LEF1: variants seen among roughly 807,000 people sequenced by gnomAD.
LEF1 encodes lymphoid enhancer binding factor 1, also known as lymphoid enhancer-binding factor 1.
LEF1 carries 14 observed loss-of-function variants against 51.2 expected under a neutral mutation model. The ratio of observed to expected loss-of-function variants is 0.27; its 90% confidence interval spans 0.18 to 0.43. The LOEUF is 0.43. Among genes scored for constraint, LEF1 ranks in the 20% least tolerant of loss-of-function variants. The pLI, the probability that LEF1 is intolerant of heterozygous loss-of-function variation, is 1.00. For missense variants in LEF1, 386 were observed against 512.0 expected (o/e 0.75, Z 2.37); for synonymous variants, 185 against 183.2 (o/e 1.01, Z -0.08).
Position 108,163,672 on chromosome 4 carries a change from T to G in LEF1, c.310A>C (p.Lys104Gln). 6.2e-7 allele frequency: 1 copy of G among 1,613,676 alleles called. No homozygotes were observed. ...GAATAACTCGAGTAGGAGGGTCCCT[T>G]GTTGTAGAGGCCTCCATCTGGATGC... ...GKHPDGGLYN[K>Q]GPSYSSYSGY... is the part of the protein sequence containing the mutation. The change falls in exon 3 of 12, where the codon AAG (lysine) becomes CAG (glutamine). Residue 104 changes from lysine (K) to glutamine (Q), a missense_variant. Around this residue, in one of 2 missense-constraint regions of LEF1, gnomAD observed 335 missense variants for 390.7 expected, o/e 0.86. Transcript: ENST00000265165.
chr4:108,124,453 T>G (rs1279388148), intron 3 of LEF1, among the ~76,000 whole-genome samples: 2 of 151,674 alleles, frequency 1.3e-5, no homozygotes, highest in African/African-American at 2.4e-5. Flanking sequence ...CACTGCAACC[T>G]CCGCCTCCTG....
At chr4:108,153,095 G>A (rs1341736671) in intron 3 of LEF1, among the ~76,000 whole-genome samples, 2 of 152,160 alleles carry the variant, frequency 1.3e-5, no homozygotes, top group Non-Finnish European at 2.9e-5. Context: ...TCTCAGCAGT[G>A]GCTGTAGCCC....
At chr4:108,097,034 T>C (rs1268501194) in intron 3 of LEF1, among the ~76,000 whole-genome samples, 1 of 152,124 alleles carries the variant, frequency 6.6e-6, no homozygotes, top group African/African-American at 2.4e-5. Flanking sequence ...CAGTGTGGAG[T>C]TGCCTCAAAA....
chr4:108,158,437 C>T (rs6817603), intron 3 of LEF1, among the ~76,000 whole-genome samples: 8 of 144,836 alleles, frequency 5.5e-5, no homozygotes, highest in African/African-American at 2.0e-4. Context: ...AGAGAGAGAG[C>T]GCGCAACCTT....
intron 3 of LEF1, among the ~76,000 whole-genome samples, chr4:108,148,531 C>T (rs948058376): frequency 1.3e-5 from 2 of 152,170 alleles, no homozygotes; most frequent in Admixed American, 6.5e-5. Context: ...GATGTCATGC[C>T]TGCCTCACTC....
chr4:108,073,615 A>T (rs1738639379), intron 8 of LEF1, among the ~76,000 whole-genome samples: 1 of 152,170 alleles, frequency 6.6e-6, no homozygotes, highest in South Asian at 2.1e-4. Flanking sequence ...GTAGCTGAGA[A>T]AACCTGGAAT....
intron 11 of LEF1, 144 bp from the exon 12 acceptor site, chr4:108,048,895 T>G (rs1344812996): frequency 6.0e-6 from 3 of 500,666 alleles, no homozygotes; most frequent in African/African-American, 3.9e-5. Context: ...TAAAATGAAT[T>G]GCCCTATCAG....
chr4:108,167,847 G>T lies in LEF1; in HGVS notation c.-80C>A, dbSNP rs993934143. The stretch of plus-strand genomic sequence containing the variant: ...AAAGACAGAGGGGTAACTCAAGGGT[G>T]GGGGAGGAAAGGAGAGTTGGAAGGG... On this transcript the variant is annotated 5_prime_UTR_variant, in exon 1 of 12. Coordinates refer to ENST00000265165, the MANE Select transcript of LEF1 (RefSeq NM_016269.5). This position sits in a 1 kb window ranked among gnomAD's most constrained non-coding sequence, Gnocchi z 5.7. 5 of 1,292,388 alleles carry T rather than the reference G, an allele frequency of 3.9e-6. No individual in the cohort carries two copies. Among genetic ancestry groups the T allele is most frequent in the East Asian group, 2.3e-5 (1 of 43,246 alleles). The allele number at this position is 1,292,388 out of a possible 1,614,324, so 80.1% of individuals were successfully genotyped here. A position where few individuals can be genotyped will look rare whatever the true frequency, so the allele number is the denominator to read the frequency against.
Position 108,167,169 on chromosome 4 carries a change from G to A in LEF1, c.213+386C>T. Among the ~76,000 whole-genome samples, 1 of 152,140 alleles carries A rather than the reference G, an allele frequency of 6.6e-6. No individual in the cohort carries two copies. Among genetic ancestry groups the A allele is most frequent in the East Asian group, 1.9e-4 (1 of 5,192 alleles). ...GTGTGCACTTTGTTTTCCGTCCCAC[G>A]GAAGAATTTATCAGTAGCGTTATTC... On this transcript the variant is annotated intron_variant, in intron 1 of 11. Transcript: ENST00000265165. This position sits in a 1 kb window ranked among gnomAD's most constrained non-coding sequence, Gnocchi z 5.7.
intron 3 of LEF1, among the ~76,000 whole-genome samples, chr4:108,099,591 T>TATATATATATATATATATATAA: frequency 8.9e-6 from 1 of 111,852 alleles, no homozygotes; most frequent in African/African-American, 3.0e-5. Flanking sequence ...TATATATATA[T>TATATATATATATATATATATAA]ATATATATAT....
intron 3 of LEF1, among the ~76,000 whole-genome samples, chr4:108,154,553 G>A (rs1437311543): frequency 7.6e-6 from 1 of 132,270 alleles, no homozygotes; most frequent in Non-Finnish European, 1.6e-5. Context: ...ATACAAATAA[G>A]AAAAAAAAAT....
intron 6 of LEF1, among the ~76,000 whole-genome samples, 196 bp downstream of exon 6, chr4:108,081,390 G>A (rs369581374): frequency 2.6e-5 from 4 of 152,012 alleles, no homozygotes; most frequent in African/African-American, 9.7e-5. Flanking sequence ...TGGCTGGTCC[G>A]GCCGGGGCAC....
chr4:108,065,150 G>A (rs1737981920), intron 9 of LEF1, among the ~76,000 whole-genome samples: 1 of 152,194 alleles, frequency 6.6e-6, no homozygotes, highest in South Asian at 2.1e-4. Flanking sequence ...CCCACTTACA[G>A]TGGTCTAATT....
intron 3 of LEF1, among the ~76,000 whole-genome samples, chr4:108,163,147 TAACA>T (rs1313548543): frequency 6.6e-6 from 1 of 152,156 alleles, no homozygotes; most frequent in African/African-American, 2.4e-5. Flanking sequence ...CAAAGTAACA[TAACA>T]AACATTCAGC....
At chr4:108,140,768 T>G (rs1051495509) in intron 3 of LEF1, among the ~76,000 whole-genome samples, 13 of 152,228 alleles carry the variant, frequency 8.5e-5, no homozygotes, top group African/African-American at 3.1e-4. Context: ...GGCTTCAAGA[T>G]TAAGCATACT....
chr4:108,080,638 G>C (rs1410804581), intron 6 of LEF1, among the ~76,000 whole-genome samples: 1 of 152,154 alleles, frequency 6.6e-6, no homozygotes, highest in African/African-American at 2.4e-5. Flanking sequence ...TCTATCATCA[G>C]ATAGTTCTTA....
At chr4:108,117,555 G>A (rs545885840) in intron 3 of LEF1, among the ~76,000 whole-genome samples, 95 of 152,354 alleles carry the variant, frequency 6.2e-4, no homozygotes, top group South Asian at 4.8e-3. Context: ...TCCTAGAAAA[G>A]CCTCTCCATT....
intron 3 of LEF1, among the ~76,000 whole-genome samples, chr4:108,107,682 C>T (rs1279907324): frequency 1.3e-5 from 2 of 152,070 alleles, no homozygotes; most frequent in Admixed American, 1.3e-4. Flanking sequence ...CTTTTTGTCA[C>T]TCTCTGAGAA....
intron 5 of LEF1, among the ~76,000 whole-genome samples, 163 bp from the exon 6 acceptor site, chr4:108,081,832 C>A (rs933394921): frequency 6.6e-6 from 1 of 152,144 alleles, no homozygotes; most frequent in Non-Finnish European, 1.5e-5. Context: ...CCCTTCCTTA[C>A]CCTCCACCCA....
Sources: gnomAD v4.1 joint callset for allele counts (sites outside exome capture counted in the v4.1 genomes callset) on GRCh38, gnomAD v4.1.1 for gene constraint, gnomAD v4.1.1 regional missense constraint, Gnocchi (gnomAD v3.1) non-coding constraint, MANE v1.5 for transcripts, NCBI Gene and HGNC (gene_info 2026-07-23, HGNC 2026-07-21) for gene names.